Variants in PEPD observed in about 807,000 individuals in gnomAD.
PEPD encodes peptidase D, also known as xaa-Pro dipeptidase.
A neutral mutation model predicts 60.7 loss-of-function variants in PEPD; 53 were observed. The observed-to-expected ratio is 0.87, with a 90% CI of 0.70 to 1.10. The LOEUF is 1.10. Among genes scored for constraint, PEPD ranks in the 50% least tolerant of loss-of-function variants. The pLI is 0.00. For synonymous variants in PEPD, 267 were observed against 284.1 expected, an observed-to-expected ratio of 0.94 and a Z score of 0.60; for missense variants, 711 against 711.9, an observed-to-expected ratio of 1.00 and a Z score of 0.01.
chr19:33,478,164 G>T, intron 6 of PEPD, 74 bp from the exon 7 acceptor site: 1 of 945,418 alleles, frequency 1.1e-6, no homozygotes, highest in Non-Finnish European at 1.7e-6. Context: ...CCTCATTCAA[G>T]ACATGCACAC....
At chr19:33,514,515 G>A (rs906180251) in intron 1 of PEPD, among the ~76,000 whole-genome samples, 1 of 151,756 alleles carries the variant, frequency 6.6e-6, no homozygotes, top group Admixed American at 6.6e-5. Flanking sequence ...TCCCCTACTA[G>A]TCCCTGGCCT....
At chr19:33,464,097 G>GCCTCCTGAAAGTC in intron 7 of PEPD, 35 bp from the exon 8 acceptor site, 1 of 1,512,860 alleles carries the variant, frequency 6.6e-7, no homozygotes, top group Non-Finnish European at 9.2e-7. Context: ...GCAAATCAGT[G>GCCTCCTGAAAGTC]ACTTTCAGGA....
intron 9 of PEPD, among the ~76,000 whole-genome samples, chr19:33,421,738 TC>T (rs1207467758): frequency 6.6e-6 from 1 of 152,066 alleles, no homozygotes; most frequent in Non-Finnish European, 1.5e-5. Flanking sequence ...CAAGCGATCC[TC>T]CCACCTCGGC....
intron 6 of PEPD, chr19:33,487,498 C>A (rs1229676677): frequency 6.6e-6 from 1 of 152,300 alleles, no homozygotes; most frequent in African/African-American, 2.4e-5. Context: ...GAGATGGCCA[C>A]GAGGGTTCTC....
At chr19:33,449,877 A>C (rs1008179320) in intron 9 of PEPD, among the ~76,000 whole-genome samples, 1 of 152,156 alleles carries the variant, frequency 6.6e-6, no homozygotes, top group Non-Finnish European at 1.5e-5. Flanking sequence ...ATCAATAATT[A>C]TATCACAGGT....
chr19:33,496,812 A>G (rs567937539), intron 4 of PEPD, among the ~76,000 whole-genome samples: 180 of 152,354 alleles, frequency 1.2e-3, no homozygotes, highest in Middle Eastern at 6.8e-3. Flanking sequence ...CTGTGGGTGT[A>G]CATCCTCCCC....
rs1466561691 is a variant in PEPD, at chr19:33,411,759, GC to G, written c.741-11del. The G allele has an allele frequency of 1.9e-6, 3 of 1,572,936 alleles. No individual in the cohort carries two copies. The African/African-American group carries it at 4.0e-5, about 21-fold the overall frequency. On this transcript the variant is annotated splice_polypyrimidine_tract_variant and intron_variant, in intron 10 of 14. Coordinates refer to ENST00000244137, the MANE Select transcript of PEPD (RefSeq NM_000285.4). ...GGCTGAGTTCTCACCACTGCAAAGA[GC>G]CGGGGGAGGGTGATCAAAGCCCATT...
At chr19:33,391,224 A>T in intron 13 of PEPD, 71 bp downstream of exon 13, 1 of 1,287,920 alleles carries the variant, frequency 7.8e-7, no homozygotes, top group Non-Finnish European at 1.1e-6. Flanking sequence ...CTAGAGTCCC[A>T]CCCTGCCCTG....
At chr19:33,391,512 G>A (rs1212729535) in intron 12 of PEPD, 33 bp from the exon 13 acceptor site, 1 of 1,539,222 alleles carries the variant, frequency 6.5e-7, no homozygotes, top group East Asian at 2.4e-5. Context: ...GTGAGCCACA[G>A]AGCCCAGCAG....
chr19:33,476,372 C>T (rs1031299150), intron 7 of PEPD, among the ~76,000 whole-genome samples: 1 of 152,184 alleles, frequency 6.6e-6, no homozygotes, highest in Non-Finnish European at 1.5e-5. Flanking sequence ...ACCCCAAGTC[C>T]CAGATCTGCC....
chr19:33,494,665 G>T (rs751093892), intron 4 of PEPD, among the ~76,000 whole-genome samples: 1 of 152,210 alleles, frequency 6.6e-6, no homozygotes, highest in Non-Finnish European at 1.5e-5. Context: ...GCTGAAGACG[G>T]CCTGTGCCAG....
chr19:33,444,335 G>A (rs1027360104), intron 9 of PEPD, among the ~76,000 whole-genome samples: 1 of 152,094 alleles, frequency 6.6e-6, no homozygotes, highest in African/African-American at 2.4e-5. Context: ...CTTCATAAAA[G>A]CATAGGCTGT....
At chr19:33,440,761 G>T (rs1340040668) in intron 9 of PEPD, among the ~76,000 whole-genome samples, 5 of 152,148 alleles carry the variant, frequency 3.3e-5, no homozygotes, top group Non-Finnish European at 1.5e-5. Flanking sequence ...TTCTTTATTT[G>T]ACTGATTTCC....
intron 9 of PEPD, among the ~76,000 whole-genome samples, chr19:33,438,122 T>C (rs962776531): frequency 6.6e-6 from 1 of 152,214 alleles, no homozygotes; most frequent in African/African-American, 2.4e-5. Flanking sequence ...AGACACAGGC[T>C]GCAGGGATGT....
intron 9 of PEPD, among the ~76,000 whole-genome samples, chr19:33,441,947 A>T (rs1157375350): frequency 6.6e-6 from 1 of 152,270 alleles, no homozygotes; most frequent in African/African-American, 2.4e-5. Flanking sequence ...TGGAAGAAGC[A>T]GGTCTCCTTC....
chr19:33,417,139 G>A (rs1201606967), intron 9 of PEPD, among the ~76,000 whole-genome samples: 8 of 152,270 alleles, frequency 5.3e-5, no homozygotes, highest in Non-Finnish European at 1.0e-4. Context: ...GGCAGCAAGT[G>A]TCGGCCAAGC....
Position 33,432,010 on chromosome 19 carries a change from A to AAAAAAAAAAAAAAAAAAAAAAAAAAC in PEPD, c.672-18368_672-18367insGTTTTTTTTTTTTTTTTTTTTTTTTT, listed in dbSNP as rs1031542443. On this transcript the variant is annotated intron_variant, in intron 9 of 14. Transcript: ENST00000244137. ...ACCACCTCAAAAAAAAAAAAAAAAA[A>AAAAAAAAAAAAAAAAAAAAAAAAAAC]GGGAAGATTAAACCCAGAGTGACCA... Among the ~76,000 whole-genome samples, 2 of 147,516 alleles carry AAAAAAAAAAAAAAAAAAAAAAAAAAC rather than the reference A, an allele frequency of 1.4e-5. 1 individual carries two copies. The highest frequency in any genetic ancestry group is 5.1e-5 in the African/African-American group (2 of 39,192).
chr19:33,512,797 A>G, intron 1 of PEPD, 21 bp from the exon 2 acceptor site: 3 of 1,613,118 alleles, frequency 1.9e-6, no homozygotes, highest in Non-Finnish European at 1.7e-6. Context: ...AAGAGCACAC[A>G]CCGCCACACA....
chr19:33,477,630 G>A lies in PEPD; in HGVS notation c.548+416C>T, dbSNP rs1055917480. Reference sequence around the variant, plus strand: ...GGGCTAACAGTATCACCATGGGAAGGAAGAAGGTGACAGAAGAATGCGTAG... The same window carrying A: ...GGGCTAACAGTATCACCATGGGAAGAAAGAAGGTGACAGAAGAATGCGTAG... On this transcript the variant is annotated intron_variant, in intron 7 of 14. Coordinates refer to ENST00000244137, the MANE Select transcript of PEPD (RefSeq NM_000285.4). Among the ~76,000 whole-genome samples the A allele has an allele frequency of 1.3e-5, 2 of 152,240 alleles. 1 individual carries two copies. Among genetic ancestry groups the A allele is most frequent in the South Asian group, 4.1e-4 (2 of 4,834 alleles).
Sources: gnomAD v4.1 joint callset for allele counts (sites outside exome capture counted in the v4.1 genomes callset) on GRCh38, gnomAD v4.1.1 for gene constraint, MANE v1.5 for transcripts, NCBI Gene and HGNC (gene_info 2026-07-23, HGNC 2026-07-21) for gene names.